The following CHODL variants were observed in gnomAD, a reference collection of about 807,000 sequenced individuals.
CHODL encodes chondrolectin, also known as transmembrane protein MT75.
In CHODL, 29 loss-of-function variants were observed where a neutral mutation model predicts 34.5. That is an observed-to-expected ratio of 0.84 (90% CI 0.63 to 1.15). The LOEUF is 1.15. Among genes scored for constraint, CHODL ranks in the 50% most tolerant of loss-of-function variants. CHODL has a pLI of 0.00. For synonymous variants in CHODL, 125 were observed against 116.1 expected, an observed-to-expected ratio of 1.08 and a Z score of -0.49; for missense variants, 332 against 332.5, an observed-to-expected ratio of 1.00 and a Z score of 0.01.
At chr21:18,072,306 A>G (rs973126475) in intron 2 of CHODL, among the ~76,000 whole-genome samples, 13 of 152,142 alleles carry the variant, frequency 8.5e-5, no homozygotes, top group African/African-American at 2.9e-4. Context: ...TTCTGTCACA[A>G]TGCACTTAGT....
intron 1 of CHODL, among the ~76,000 whole-genome samples, chr21:17,954,423 T>G (rs2063481967): frequency 6.8e-6 from 1 of 146,874 alleles, no homozygotes; most frequent in Non-Finnish European, 1.5e-5. Context: ...TGTCTGTGAG[T>G]GTTTCTGGAA....
intron 2 of CHODL, among the ~76,000 whole-genome samples, chr21:18,138,264 ATATT>A: frequency 6.6e-6 from 1 of 151,998 alleles, no homozygotes; most frequent in African/African-American, 2.4e-5. Context: ...GAATTTGATC[ATATT>A]TAAGCCAAAA....
chr21:18,156,453 A>G (rs1388853228), intron 2 of CHODL, among the ~76,000 whole-genome samples: 1 of 152,222 alleles, frequency 6.6e-6, no homozygotes, highest in Non-Finnish European at 1.5e-5. Context: ...TCATTTGTCA[A>G]TTAAAAATAA....
intron 2 of CHODL, among the ~76,000 whole-genome samples, chr21:18,130,939 A>G (rs1165032455): frequency 6.6e-6 from 1 of 152,160 alleles, no homozygotes; most frequent in Non-Finnish European, 1.5e-5. Context: ...AACCATAAAT[A>G]TACTATAGAC....
At position 18,048,025 on chromosome 21, in the gene CHODL, T is replaced by TTC. The variant is rs547396616; in HGVS notation, c.-45+20055_-45+20056dup. Among the ~76,000 whole-genome samples, 38 of 152,070 alleles carry TTC rather than the reference T, an allele frequency of 2.5e-4. No individual in the cohort carries two copies. In the East Asian group the frequency reaches 7.4e-3, roughly 30 times the overall value. The stretch of plus-strand genomic sequence containing the variant: ...ACGTTATACATTTTCCACTTACCCA[T>TTC]TCAGGACTTGTCGAGCACCTACTAT... On this transcript the variant is annotated intron_variant, in intron 2 of 6. Transcript: ENST00000400127.
chr21:18,128,577 A>T (rs567947433), intron 2 of CHODL, among the ~76,000 whole-genome samples: 3 of 152,116 alleles, frequency 2.0e-5, no homozygotes, highest in Non-Finnish European at 4.4e-5. Flanking sequence ...AGAAAGGATT[A>T]AATGTTATTG....
upstream of CHODL, among the ~76,000 whole-genome samples, chr21:18,241,932 C>G (rs2074086214): frequency 6.6e-6 from 1 of 151,780 alleles, no homozygotes; most frequent in African/African-American, 2.4e-5. Context: ...GAAAGTGATG[C>G]ATTTTAGGTG....
rs369044402 is a variant in CHODL, at chr21:17,977,426, C to T, written c.-144-50446C>T. Among the ~76,000 whole-genome samples, 82 of 146,510 alleles carry T rather than the reference C, an allele frequency of 5.6e-4. 3 individuals are homozygous for T. The East Asian group carries it at 0.013, about 23-fold the overall frequency. On this transcript the variant is annotated intron_variant, in intron 1 of 6. Transcript: ENST00000400127. ...CTGTCACCAGGCTGGAGTGCAGTGG[C>T]GTGATCTCGGCTCACTGCAACCTCC...
intron 2 of CHODL, among the ~76,000 whole-genome samples, chr21:18,075,314 A>G (rs1271099810): frequency 6.6e-6 from 1 of 152,198 alleles, no homozygotes; most frequent in East Asian, 1.9e-4. Flanking sequence ...CTGTGGTTTC[A>G]GGCAAAAATA....
intron 1 of CHODL, among the ~76,000 whole-genome samples, chr21:17,952,127 A>C (rs1283320689): frequency 7.3e-6 from 1 of 136,874 alleles, no homozygotes; most frequent in Non-Finnish European, 1.5e-5. Context: ...CTGAGTTGGG[A>C]GGATCATTTG....
chr21:18,241,260 A>AC (rs1458851199), upstream of CHODL, among the ~76,000 whole-genome samples: 2 of 151,940 alleles, frequency 1.3e-5, no homozygotes, highest in Non-Finnish European at 2.9e-5. Context: ...AAAAAAAAAA[A>AC]AACTTTTTGC....
chr21:18,233,682 T>TA (rs1021381625), intron 2 of CHODL, among the ~76,000 whole-genome samples: 8 of 151,958 alleles, frequency 5.3e-5, no homozygotes, highest in African/African-American at 9.6e-5. Flanking sequence ...GGCCTTTTTT[T>TA]AAAAAAAATA....
At chr21:18,150,405 A>C (rs2072949091) in intron 2 of CHODL, among the ~76,000 whole-genome samples, 1 of 152,142 alleles carries the variant, frequency 6.6e-6, no homozygotes, top group Admixed American at 6.5e-5. Context: ...CTGGCCAAGG[A>C]GAAAGTCCAT....
chr21:17,991,574 T>A (rs1486973424), intron 1 of CHODL, among the ~76,000 whole-genome samples: 2 of 152,156 alleles, frequency 1.3e-5, no homozygotes, highest in African/African-American at 2.4e-5. Flanking sequence ...GAGCATTTTT[T>A]AATATACCTA....
At chr21:17,974,888 G>T (rs908511267) in intron 1 of CHODL, among the ~76,000 whole-genome samples, 20 of 149,208 alleles carry the variant, frequency 1.3e-4, no homozygotes, top group Admixed American at 1.3e-3. Context: ...TTTATAAAAA[G>T]ACATTAATTC....
chr21:18,091,590 A>G (rs950698102), intron 2 of CHODL, among the ~76,000 whole-genome samples: 1 of 152,158 alleles, frequency 6.6e-6, no homozygotes, highest in Non-Finnish European at 1.5e-5. Flanking sequence ...TAGCTCCCAG[A>G]CAACGTGCAT....
At chr21:18,082,723 A>C (rs2064957179) in intron 2 of CHODL, among the ~76,000 whole-genome samples, 2 of 152,304 alleles carry the variant, frequency 1.3e-5, no homozygotes, top group South Asian at 4.1e-4. Flanking sequence ...TGGAACTTTG[A>C]ACTTGAGAGA....
rs140940289 is a variant in CHODL at position 18,256,556 on chromosome 21, G to T, written c.127G>T (p.Ala43Ser). The T allele has an allele frequency of 1.2e-6, 2 of 1,613,600 alleles. No individual in the cohort carries two copies. The highest frequency in any genetic ancestry group is 1.7e-6 in the Non-Finnish European group (2 of 1,179,884). Residue 43 changes from alanine to serine, a missense_variant, in exon 2 of 6, where the codon GCC becomes TCC. Coordinates refer to ENST00000299295, the MANE Select transcript of CHODL (RefSeq NM_024944.3). ...CTTCAAGCATCCCTGCTACAAAATG[G>T]CCTACTTCCATGAACTGTCCAGCCG... ...ADFKHPCYKM[A>S]YFHELSSRVS...
chr21:18,233,146 G>A (rs1160080184), intron 2 of CHODL, among the ~76,000 whole-genome samples: 2 of 151,764 alleles, frequency 1.3e-5, no homozygotes, highest in African/African-American at 4.8e-5. Flanking sequence ...TCCAGCCTCT[G>A]ATAACCACTG....
Sources: allele counts gnomAD v4.1 joint callset (sites outside exome capture counted in the v4.1 genomes callset), GRCh38; gene constraint gnomAD v4.1.1; transcripts MANE v1.5; gene names NCBI Gene and HGNC (gene_info 2026-07-23, HGNC 2026-07-21).